ABCA4: variants seen among roughly 807,000 people sequenced by gnomAD.
ABCA4 encodes the protein ATP binding cassette subfamily A member 4, also known as retinal-specific phospholipid-transporting ATPase ABCA4.
In ABCA4, 196 loss-of-function variants were observed where a neutral mutation model predicts 263.7. The ratio of observed to expected loss-of-function variants is 0.74; its 90% confidence interval spans 0.66 to 0.84. The LOEUF (loss-of-function observed/expected upper bound fraction) is 0.84. ABCA4 is among the 40% of genes least tolerant of loss of function. ABCA4 has a pLI of 0.00. For missense variants in ABCA4, 2,792 were observed against 2,855.1 expected (o/e 0.98, Z 0.50); for synonymous variants, 1,133 against 1,094.2 (o/e 1.04, Z -0.70).
intron 49 of ABCA4, 67 bp downstream of exon 49, chr1:93,996,042 G>T: frequency 6.7e-7 from 1 of 1,481,598 alleles, no homozygotes; most frequent in Admixed American, 1.7e-5. Context: ...CTCAAGCCCA[G>T]TGAACCAGCT....
intron 38 of ABCA4, among the ~76,000 whole-genome samples, chr1:94,013,761 G>GGGCTGAATGA (rs1376885321): frequency 6.6e-6 from 1 of 152,180 alleles, no homozygotes; most frequent in Non-Finnish European, 1.5e-5. Flanking sequence ...ATTCAGCATG[G>GGGCTGAATGA]AGAACACCCA....
chr1:94,096,806 G>A (rs1662133483), intron 6 of ABCA4, among the ~76,000 whole-genome samples: 1 of 152,212 alleles, frequency 6.6e-6, no homozygotes, highest in African/African-American at 2.4e-5. Context: ...GGTGCTTCAA[G>A]AAGGGAAGAA....
At chr1:94,012,933 T>C (rs902560018) in intron 38 of ABCA4, among the ~76,000 whole-genome samples, 1 of 152,184 alleles carries the variant, frequency 6.6e-6, no homozygotes, top group Admixed American at 6.5e-5. Flanking sequence ...TGCTGGGAGC[T>C]GGGGAGCTTC....
intron 2 of ABCA4, among the ~76,000 whole-genome samples, chr1:94,111,873 G>A (rs549395740): frequency 6.6e-6 from 1 of 152,336 alleles, no homozygotes; most frequent in African/African-American, 2.4e-5. Context: ...GTGCCGAGAG[G>A]GGCATAGGAG....
intron 35 of ABCA4, 98 bp from the exon 36 acceptor site, chr1:94,019,857 GCCCA>G: frequency 3.0e-6 from 4 of 1,340,876 alleles, no homozygotes; most frequent in Non-Finnish European, 4.2e-6. Flanking sequence ...CCTTACACCC[GCCCA>G]GGTGTGGCCT....
rs1279522242 is a variant in ABCA4 at position 94,063,310 on chromosome 1, AC to A, written c.1561del (p.Val521SerfsTer47). 5 of 1,614,150 alleles carry A rather than the reference AC, an allele frequency of 3.1e-6. No homozygotes were observed. In the East Asian group the frequency reaches 8.9e-5, roughly 29 times the overall value. Reference sequence around the variant, plus strand: ...ATTGTAGCTTTCAAACTTATCCAGGACCAAGCACTGCAGAGAGTCACAAAGT... The same window carrying A: ...ATTGTAGCTTTCAAACTTATCCAGGACAAGCACTGCAGAGAGTCACAAAGT... ...RLVNQYLECLVLDKFESYNDE... is the reference protein window; with the variant it reads ...RLVNQYLECLXLDKFESYNDE... On this transcript the variant is annotated frameshift_variant, in exon 12 of 50. Transcript: ENST00000370225. LOFTEE classifies it high-confidence loss of function.
chr1:94,086,120 G>C (rs529831964), intron 6 of ABCA4, among the ~76,000 whole-genome samples: 3 of 152,312 alleles, frequency 2.0e-5, no homozygotes, highest in South Asian at 2.1e-4. Flanking sequence ...CTGGGCATGT[G>C]GTGGGCACTC....
intron 3 of ABCA4, among the ~76,000 whole-genome samples, chr1:94,109,300 GA>G (rs113703695): frequency 7.6e-4 from 116 of 152,330 alleles, no homozygotes; most frequent in African/African-American, 2.6e-3. Context: ...TAAACAGGGT[GA>G]CATTGGTGGA....
Position 94,103,159 on chromosome 1 carries a change from G to A in ABCA4, c.443-17C>T. 1 of 1,613,542 alleles carries A rather than the reference G, an allele frequency of 6.2e-7. No homozygotes were observed. The highest frequency in any genetic ancestry group is 8.5e-7 in the Non-Finnish European group (1 of 1,179,698). ...TTCCTCTTCCTACATATGAATAAGA[G>A]AAAGAACAGGGTGTTGAAGGGGAAA... On this transcript the variant is annotated splice_polypyrimidine_tract_variant and intron_variant, in intron 4 of 49. Transcript: ENST00000370225.
intron 11 of ABCA4, among the ~76,000 whole-genome samples, chr1:94,070,250 G>A (rs186555760): frequency 2.0e-5 from 3 of 152,266 alleles, no homozygotes; most frequent in Admixed American, 1.3e-4. Context: ...CAGTTTTCTG[G>A]CAGTAAAACA....
At position 94,041,079 on chromosome 1, in the gene ABCA4, A is replaced by C. The variant is rs1467798404; in HGVS notation, c.3522+130T>G. 5 of 967,626 alleles carry C rather than the reference A, an allele frequency of 5.2e-6. No individual in the cohort carries two copies. The African/African-American group carries it at 6.4e-5, about 12-fold the overall frequency. 59.9% of individuals were successfully genotyped at this position (967,626 alleles called of 1,614,324 possible). On this transcript the variant is annotated intron_variant, in intron 23 of 49. Transcript: ENST00000370225. Reference sequence around the variant, plus strand: ...AATGTGTTCATCGAAATCTTCTGCAAATGGTCCCAGAACAAAGACACTGAT... The same window carrying C: ...AATGTGTTCATCGAAATCTTCTGCACATGGTCCCAGAACAAAGACACTGAT...
At chr1:94,018,742 A>T (rs1659811173) in intron 36 of ABCA4, among the ~76,000 whole-genome samples, 7 of 152,160 alleles carry the variant, frequency 4.6e-5, no homozygotes, top group Admixed American at 4.6e-4. Context: ...GATCCCTGTT[A>T]CATTATAACT....
At chr1:94,086,591 A>G (rs138785943) in intron 6 of ABCA4, among the ~76,000 whole-genome samples, 518 of 152,124 alleles carry the variant, frequency 3.4e-3, no homozygotes, top group African/African-American at 0.012. Context: ...TTACTTATAT[A>G]AAGTACAAGG....
rs890284134 is a variant in ABCA4, at chr1:94,103,114, C to T, written c.471G>A (p.Leu157=). 9 of 1,613,920 alleles carry T rather than the reference C, an allele frequency of 5.6e-6. No individual in the cohort carries two copies. Among genetic ancestry groups the T allele is most frequent in the South Asian group, 3.3e-5 (3 of 91,068 alleles). ...ATAGTGTCAGTGTTTCTTCATCTTT[C>T]AAGATATCCCTTATTCGTATTCCTC... is the stretch of plus-strand genomic sequence containing the variant. ...AGRGIRIRDI[L]KDEETLTLFL... is the part of the protein sequence containing the mutation. Residue 157 remains leucine (L), a synonymous_variant, in exon 5 of 50, where the codon TTG becomes TTA. Transcript: ENST00000370225.
At chr1:94,114,282 A>C (rs1309561390) in intron 1 of ABCA4, among the ~76,000 whole-genome samples, 2 of 152,222 alleles carry the variant, frequency 1.3e-5, no homozygotes, top group Non-Finnish European at 2.9e-5. Flanking sequence ...CAAGATTATA[A>C]GAAACTAAAA....
intron 38 of ABCA4, among the ~76,000 whole-genome samples, chr1:94,012,910 A>ACGGGC (rs1209560784): frequency 1.3e-5 from 2 of 152,176 alleles, no homozygotes; most frequent in South Asian, 2.1e-4. Flanking sequence ...CTGATCTCAC[A>ACGGGC]CGGGCCGGCA....
rs1662215591 is a variant in ABCA4 at position 94,098,963 on chromosome 1, A to G, written c.599T>C (p.Leu200Pro). Residue 200 changes from leucine to proline, a missense_variant, in exon 6 of 50, where the codon CTG becomes CCG. Transcript: ENST00000370225. ...QFAHGVPDLALKDIACSEALL... is the reference protein window; with the variant it reads ...QFAHGVPDLAPKDIACSEALL... ...GGCCTCGCTGCAGGCGATGTCCTTCAGCGCCAGGTCCGGGACTCCATGAGC... is the reference window on the plus strand; with the variant it reads ...GGCCTCGCTGCAGGCGATGTCCTTCGGCGCCAGGTCCGGGACTCCATGAGC... 6.2e-7 allele frequency: 1 copy of G among 1,611,066 alleles called. No individual in the cohort carries two copies. The highest frequency in any genetic ancestry group is 8.5e-7 in the Non-Finnish European group (1 of 1,179,978).
At chr1:93,995,994 G>C in intron 49 of ABCA4, 115 bp downstream of exon 49, 1 of 875,446 alleles carries the variant, frequency 1.1e-6, no homozygotes, top group Non-Finnish European at 1.8e-6. Context: ...GGTGTGGGTG[G>C]GGCTCTCTGT....
chr1:94,067,927 A>G (rs1661313580), intron 11 of ABCA4, among the ~76,000 whole-genome samples: 1 of 152,226 alleles, frequency 6.6e-6, no homozygotes, highest in South Asian at 2.1e-4. Flanking sequence ...CCGTCTCACA[A>G]ATAGTTAGGA....
Sources: allele counts gnomAD v4.1 joint callset (sites outside exome capture counted in the v4.1 genomes callset), GRCh38; gene constraint gnomAD v4.1.1; transcripts MANE v1.5; gene names NCBI Gene and HGNC (gene_info 2026-07-23, HGNC 2026-07-21).